Variants in LRRC37A2 observed in about 807,000 individuals in gnomAD.
LRRC37A2 encodes the protein leucine rich repeat containing 37 member A2.
A neutral mutation model predicts 68.8 loss-of-function variants in LRRC37A2; 9 were observed. The observed-to-expected ratio is 0.13, with a 90% confidence interval of 0.08 to 0.23. The LOEUF is 0.23. Among genes scored for constraint, LRRC37A2 ranks in the 10% least tolerant of loss-of-function variants. The probability of loss-of-function intolerance (pLI) is 1.00; values close to 1 mark genes in which losing one functional copy is unlikely to be tolerated. For synonymous variants in LRRC37A2, 63 were observed against 367.6 expected (o/e 0.17, Z 9.48); for missense variants, 168 against 950.4 (o/e 0.18, Z 10.82).
chr17:46,773,047 GC>G, the LRRC37A2 span, among the ~76,000 whole-genome samples: 2 of 152,082 alleles, frequency 1.3e-5, no homozygotes, highest in Non-Finnish European at 2.9e-5. Flanking sequence ...CCCTCCCAGG[GC>G]CTGCAGGTTC....
At chr17:46,405,737 CAAAAAAAAAAA>C in the LRRC37A2 span, among the ~76,000 whole-genome samples, 1 of 35,124 alleles carries the variant, frequency 2.8e-5, no homozygotes, top group East Asian at 5.5e-4. Flanking sequence ...GACTCCATCT[CAAAAAAAAAAA>C]AAAAAAAAAA....
intron 8 of LRRC37A2, among the ~76,000 whole-genome samples, chr17:46,543,846 T>G (rs888970160): frequency 3.3e-5 from 5 of 150,338 alleles, no homozygotes; most frequent in African/African-American, 1.3e-4. Context: ...CCAAAAATTT[T>G]GGGCTCATGC....
the LRRC37A2 span, among the ~76,000 whole-genome samples, chr17:46,473,964 T>C: frequency 1.2e-3 from 132 of 108,566 alleles, 39 homozygotes; most frequent in Non-Finnish European, 2.3e-3. Context: ...TATTTAATCC[T>C]CAGTCTCATT....
the LRRC37A2 span, among the ~76,000 whole-genome samples, chr17:46,748,011 G>T: frequency 6.6e-6 from 1 of 152,178 alleles, no homozygotes; most frequent in East Asian, 1.9e-4. Context: ...GTATTAAAAA[G>T]GTTAGAAACA....
chr17:46,874,164 G>T, the LRRC37A2 span, among the ~76,000 whole-genome samples: 1 of 152,046 alleles, frequency 6.6e-6, no homozygotes, highest in Non-Finnish European at 1.5e-5. Flanking sequence ...CTGGTGGGAG[G>T]CCAGGTTTGG....
At chr17:46,997,958 G>A in the LRRC37A2 span, among the ~76,000 whole-genome samples, 2 of 133,924 alleles carry the variant, frequency 1.5e-5, no homozygotes, top group Non-Finnish European at 3.1e-5. Context: ...CAACAAGAGT[G>A]AAACTCCATC....
the LRRC37A2 span, among the ~76,000 whole-genome samples, chr17:47,006,896 G>C: frequency 6.6e-6 from 1 of 152,216 alleles, no homozygotes; most frequent in Non-Finnish European, 1.5e-5. Context: ...TTTCCTCTCA[G>C]ATAGTGTGAA....
At chr17:46,947,383 AACC>A in the LRRC37A2 span, among the ~76,000 whole-genome samples, 5 of 152,180 alleles carry the variant, frequency 3.3e-5, no homozygotes, top group Non-Finnish European at 7.4e-5. Flanking sequence ...GATCTGGTGA[AACC>A]ACCAACCAGG....
At chr17:46,709,508 T>A in the LRRC37A2 span, among the ~76,000 whole-genome samples, 9 of 151,574 alleles carry the variant, frequency 5.9e-5, no homozygotes, top group South Asian at 2.1e-4. Context: ...TTTTTTTTTT[T>A]AAATGAGATG....
the LRRC37A2 span, among the ~76,000 whole-genome samples, chr17:46,621,075 G>A: frequency 1.0e-5 from 1 of 100,398 alleles, no homozygotes; most frequent in African/African-American, 4.4e-5. Context: ...TCAATTCTGG[G>A]CGACAGAGCA....
chr17:46,785,452 A>T, the LRRC37A2 span, among the ~76,000 whole-genome samples: 4 of 152,248 alleles, frequency 2.6e-5, no homozygotes, highest in African/African-American at 9.6e-5. Flanking sequence ...GAGAAAAGAT[A>T]ACCAAGGAAA....
the LRRC37A2 span, among the ~76,000 whole-genome samples, chr17:46,887,586 G>A: frequency 6.6e-6 from 1 of 152,104 alleles, no homozygotes; most frequent in African/African-American, 2.4e-5. Context: ...CCAACATGGT[G>A]AAACCCCATC....
chr17:46,902,461 C>CAT, the LRRC37A2 span, among the ~76,000 whole-genome samples: 249 of 148,108 alleles, frequency 1.7e-3, 1 homozygote, highest in African/African-American at 5.9e-3. Flanking sequence ...GGGAACAGTG[C>CAT]GTGTGTGTGT....
At chr17:46,486,040 A>G in the LRRC37A2 span, among the ~76,000 whole-genome samples, 49 of 79,670 alleles carry the variant, frequency 6.2e-4, no homozygotes, top group Non-Finnish European at 9.4e-5. Context: ...TTAAATGTAC[A>G]ATTCAGTGGC....
the LRRC37A2 span, among the ~76,000 whole-genome samples, chr17:46,469,538 C>T: frequency 7.6e-5 from 2 of 26,212 alleles, no homozygotes; most frequent in African/African-American, 4.0e-4. Context: ...CATCTTCTTA[C>T]GGTATCTACG....
At chr17:46,757,501 AAC>A in the LRRC37A2 span, 1 of 152,598 alleles carries the variant, frequency 6.6e-6, no homozygotes, top group Admixed American at 6.5e-5. Context: ...GAACGACATG[AAC>A]AGCTGATAGG....
At chr17:46,807,809 G>A in the LRRC37A2 span, among the ~76,000 whole-genome samples, 103 of 152,314 alleles carry the variant, frequency 6.8e-4, no homozygotes, top group African/African-American at 2.3e-3. Context: ...AGGTCCACAC[G>A]GGTGCAAGGA....
chr17:46,740,477 G>A, the LRRC37A2 span, among the ~76,000 whole-genome samples: 1 of 152,038 alleles, frequency 6.6e-6, no homozygotes, highest in African/African-American at 2.4e-5. Flanking sequence ...GTCAATTTAG[G>A]GTATATCAAG....
chr17:46,900,189 A>ATG, the LRRC37A2 span, among the ~76,000 whole-genome samples: 573 of 127,282 alleles, frequency 4.5e-3, 10 homozygotes, highest in Non-Finnish European at 6.1e-3. Flanking sequence ...ATATATATAT[A>ATG]TATATATATA....
Sources: gnomAD v4.1 joint callset for allele counts (sites outside exome capture counted in the v4.1 genomes callset) on GRCh38, gnomAD v4.1.1 for gene constraint, MANE v1.5 for transcripts, NCBI Gene and HGNC (gene_info 2026-07-23, HGNC 2026-07-21) for gene names.